The following SAG variants were observed in gnomAD, a reference collection of about 807,000 sequenced individuals.
The protein encoded by SAG is S-antigen visual arrestin.
Under a neutral mutation model 55.0 loss-of-function variants are expected in SAG, and 45 were observed. The observed-to-expected ratio is 0.82, with a 90% confidence interval of 0.64 to 1.05. The LOEUF is 1.05. Ranked by LOEUF, SAG falls within the 50% of genes least tolerant of loss-of-function variation. The probability of loss-of-function intolerance (pLI) is 0.00; values close to 1 mark genes in which losing one functional copy is unlikely to be tolerated. For synonymous variants in SAG, 189 were observed against 197.4 expected, an observed-to-expected ratio of 0.96 and a Z score of 0.36; for missense variants, 455 against 512.1, an observed-to-expected ratio of 0.89 and a Z score of 1.08.
In SAG at chr2:233,346,909, G is replaced by A. The variant is rs1701270675; in HGVS notation, c.1215G>A (p.Glu405=). 6.3e-7 allele frequency: 1 copy of A among 1,583,908 alleles called. No homozygotes were observed. The highest frequency in any genetic ancestry group is 8.7e-7 in the Non-Finnish European group (1 of 1,153,922). ...EGKRDKNDVD[E] is the part of the protein sequence containing the mutation. ...AGAGAGACAAGAATGACGTTGATGA[G>A]TGAAGATGTCGGCTCAGGATGCCGG... Residue 405 remains glutamate, a synonymous_variant, in exon 16 of 16, where the codon GAG becomes GAA. Coordinates refer to ENST00000409110, the MANE Select transcript of SAG (RefSeq NM_000541.5).
At chr2:233,345,680 C>T (rs1406358104) in intron 14 of SAG, 4 of 152,142 alleles carry the variant, frequency 2.6e-5, no homozygotes, top group African/African-American at 9.7e-5. Context: ...GAGATTGTGC[C>T]ACTTCACTCC....
In SAG at chr2:233,313,216, C is replaced by A. The variant is rs544100316; in HGVS notation, c.76-2859C>A. Reference sequence around the variant, plus strand: ...GGGGACCGTGAGGTGTCCCCTGAAGCGTGGGTAGGATTTCCCCCAGGTGAA... The same window carrying A: ...GGGGACCGTGAGGTGTCCCCTGAAGAGTGGGTAGGATTTCCCCCAGGTGAA... On this transcript the variant is annotated intron_variant, in intron 2 of 15. Transcript: ENST00000409110. Among the ~76,000 whole-genome samples, 91 of 152,226 alleles carry A rather than the reference C, an allele frequency of 6.0e-4. 1 individual carries two copies. Among genetic ancestry groups the A allele is most frequent in the African/African-American group, 2.1e-3 (86 of 41,542 alleles).
At chr2:233,337,875 C>T (rs1288407486) in intron 11 of SAG, among the ~76,000 whole-genome samples, 5 of 152,204 alleles carry the variant, frequency 3.3e-5, no homozygotes, top group South Asian at 4.1e-4. Context: ...TTGGATCCCA[C>T]GCGATAAGCA....
intron 2 of SAG, among the ~76,000 whole-genome samples, chr2:233,310,749 C>T (rs1383796857): frequency 1.3e-5 from 2 of 152,048 alleles, no homozygotes; most frequent in African/African-American, 2.4e-5. Flanking sequence ...TCAGGTGATC[C>T]GCCCATCTTG....
At chr2:233,332,013 C>G in intron 10 of SAG, 1 of 400,954 alleles carries the variant, frequency 2.5e-6, no homozygotes, top group Non-Finnish European at 4.5e-6. Context: ...TCTATTTATC[C>G]TTGGAATGAA....
chr2:233,313,150 G>A lies in SAG; in HGVS notation c.76-2925G>A, dbSNP rs180803801. On this transcript the variant is annotated intron_variant, in intron 2 of 15. Coordinates refer to ENST00000409110, the MANE Select transcript of SAG (RefSeq NM_000541.5). ...GTGTGGTCGCAGGCCACATGCTCCC[G>A]GGGCACCAAAAGCCAGGGGGTGCTG... Among the ~76,000 whole-genome samples, 8 of 152,286 alleles carry A rather than the reference G, an allele frequency of 5.3e-5. No homozygotes were observed. The East Asian group carries it at 1.4e-3, about 26-fold the overall frequency.
Position 233,316,081 on chromosome 2 carries a change from A to G in SAG, c.82A>G (p.Ile28Val), listed in dbSNP as rs1173724143. 1 of 1,589,268 alleles carries G rather than the reference A, an allele frequency of 6.3e-7. No homozygotes were observed. ...KKISRDKSVT[I>V]YLGNRDYIDH... ...ACACCTGTTCTTCTTGCAGGTGACCATCTACCTGGGGAACAGAGACTACAT... is the reference window on the plus strand; with the variant it reads ...ACACCTGTTCTTCTTGCAGGTGACCGTCTACCTGGGGAACAGAGACTACAT... Residue 28 changes from isoleucine to valine, a missense_variant, in exon 3 of 16, where the codon ATC becomes GTC. Coordinates refer to ENST00000409110, the MANE Select transcript of SAG (RefSeq NM_000541.5).
At position 233,331,671 on chromosome 2, in the gene SAG, GAGTGATTATTACGTCA is replaced by G; in HGVS notation, c.768_783del (p.Asp257ProfsTer17). 6.2e-7 allele frequency: 1 copy of G among 1,613,794 alleles called. No individual in the cohort carries two copies. The highest frequency in any genetic ancestry group is 1.3e-5 in the African/African-American group (1 of 75,026). On this transcript the variant is annotated frameshift_variant, in exon 10 of 16. Coordinates refer to ENST00000409110, the MANE Select transcript of SAG (RefSeq NM_000541.5). LOFTEE classifies it high-confidence loss of function. ...AGGTGGCCAATGTGGTTCTCTACTC[GAGTGATTATTACGTCA>G]AGCCCGTGGCTATGGAGGAAGCGCA...
intron 10 of SAG, 36 bp downstream of exon 10, chr2:233,331,748 C>T: frequency 6.8e-7 from 1 of 1,475,284 alleles, no homozygotes; most frequent in Non-Finnish European, 9.5e-7. Flanking sequence ...TCCTGGGCGT[C>T]TCAGCCTTCT....
rs146909758 is a variant in SAG at position 233,319,928 on chromosome 2, C to T, written c.182-702C>T. 3.7e-5 allele frequency: 36 copies of T among 985,580 alleles called. No homozygotes were observed. The East Asian group carries it at 1.7e-3, about 47-fold the overall frequency. The allele number at this position is 985,580 out of a possible 1,614,324, so 61.1% of individuals were successfully genotyped here. A position where few individuals can be genotyped will look rare whatever the true frequency, so the allele number is the denominator to read the frequency against. On this transcript the variant is annotated intron_variant, in intron 4 of 15. Coordinates refer to ENST00000409110, the MANE Select transcript of SAG (RefSeq NM_000541.5). This position sits in a 1 kb window ranked among gnomAD's most constrained non-coding sequence, Gnocchi z 4.4. ...CCACGCACTTGGCGGGGCCGCCTCT[C>T]GTGCTTTATATTTGAGAAATATGTG...
intron 9 of SAG, among the ~76,000 whole-genome samples, chr2:233,330,079 A>G (rs1700699960): frequency 6.6e-6 from 1 of 152,182 alleles, no homozygotes; most frequent in Non-Finnish European, 1.5e-5. Flanking sequence ...TGACCTTCCC[A>G]TATCCTACAG....
chr2:233,342,066 G>A (rs1701120795), intron 13 of SAG, among the ~76,000 whole-genome samples: 1 of 151,550 alleles, frequency 6.6e-6, no homozygotes, highest in Non-Finnish European at 1.5e-5. Flanking sequence ...GGAGGTTGCA[G>A]TGAGCCGAGA....
intron 11 of SAG, among the ~76,000 whole-genome samples, chr2:233,337,526 A>T (rs1700973424): frequency 6.6e-6 from 1 of 152,190 alleles, no homozygotes; most frequent in African/African-American, 2.4e-5. Context: ...GGTGTGAGCC[A>T]CGACGTCTGG....
At chr2:233,315,391 C>A (rs1246238215) in intron 2 of SAG, among the ~76,000 whole-genome samples, 1 of 142,060 alleles carries the variant, frequency 7.0e-6, no homozygotes, top group Admixed American at 7.4e-5. Flanking sequence ...CTCCTAGGCT[C>A]AAGCAACTCT....
intron 2 of SAG, among the ~76,000 whole-genome samples, chr2:233,309,812 G>A (rs966095259): frequency 3.9e-5 from 6 of 152,122 alleles, no homozygotes; most frequent in South Asian, 2.1e-4. Flanking sequence ...AGTTTTCTCC[G>A]AATCCCTCAA....
rs997280355 is a variant in SAG at position 233,340,097 on chromosome 2, C to A, written c.1023-358C>A. Among the ~76,000 whole-genome samples, 6 of 152,204 alleles carry A rather than the reference C, an allele frequency of 3.9e-5. No homozygotes were observed. In the East Asian group the frequency reaches 1.2e-3, roughly 29 times the overall value. ...TCAGCCTCCCGAGTAGCTAAGATTA[C>A]AGGCGCCTGCCACCATGCCCGGCTA... On this transcript the variant is annotated intron_variant, in intron 12 of 15. Coordinates refer to ENST00000409110, the MANE Select transcript of SAG (RefSeq NM_000541.5). This position sits in a 1 kb window ranked among gnomAD's most constrained non-coding sequence, Gnocchi z 4.2.
chr2:233,330,956 A>G (rs1363168002), intron 9 of SAG, among the ~76,000 whole-genome samples: 1 of 152,150 alleles, frequency 6.6e-6, no homozygotes, highest in Non-Finnish European at 1.5e-5. Context: ...TCACGCCTGT[A>G]ATCCCAGTAC....
chr2:233,337,517 G>A (rs1700972466), intron 11 of SAG, among the ~76,000 whole-genome samples: 2 of 152,172 alleles, frequency 1.3e-5, no homozygotes, highest in South Asian at 4.1e-4. Context: ...GGGATTAAAG[G>A]TGTGAGCCAC....
At chr2:233,309,079 T>C in intron 1 of SAG, 83 bp from the exon 2 acceptor site, 3 of 784,550 alleles carry the variant, frequency 3.8e-6, no homozygotes. Flanking sequence ...GTGAGTAGGT[T>C]TCATAACTAG....
Sources: gnomAD v4.1 joint callset for allele counts (sites outside exome capture counted in the v4.1 genomes callset) on GRCh38, gnomAD v4.1.1 for gene constraint, Gnocchi (gnomAD v3.1) non-coding constraint, MANE v1.5 for transcripts, NCBI Gene and HGNC (gene_info 2026-07-23, HGNC 2026-07-21) for gene names.